UBAC2: variants seen among roughly 807,000 people sequenced by gnomAD.
UBAC2 encodes the protein UBA domain containing 2.
UBAC2 carries 26 observed loss-of-function variants against 44.0 expected under a neutral mutation model. The observed-to-expected ratio is 0.59, with a 90% CI of 0.43 to 0.82. The LOEUF (loss-of-function observed/expected upper bound fraction) is 0.82. Among genes scored for constraint, UBAC2 ranks in the 40% least tolerant of loss-of-function variants. The pLI is 0.00. For missense variants in UBAC2, 329 were observed against 419.4 expected (o/e 0.78, Z 1.88); for synonymous variants, 155 against 154.3 (o/e 1.00, Z -0.04).
intron 8 of UBAC2, among the ~76,000 whole-genome samples, chr13:99,382,566 G>T (rs2045565152): frequency 6.6e-6 from 1 of 152,210 alleles, no homozygotes. Flanking sequence ...TCAGTTCTGG[G>T]CGCGGTGTTC....
chr13:99,379,446 T>C (rs2138925772), intron 8 of UBAC2, among the ~76,000 whole-genome samples: 1 of 152,366 alleles, frequency 6.6e-6, no homozygotes, highest in East Asian at 1.9e-4. Flanking sequence ...AAAATTTGGT[T>C]TCATGTTTTT....
intron 1 of UBAC2, chr13:99,201,384 T>G: frequency 2.5e-6 from 4 of 1,598,496 alleles, no homozygotes; most frequent in Admixed American, 1.7e-5. Context: ...GCCTCCGCTT[T>G]AGAAGCTGAC....
At chr13:99,263,894 C>T (rs917501006) in intron 4 of UBAC2, among the ~76,000 whole-genome samples, 1 of 152,072 alleles carries the variant, frequency 6.6e-6, no homozygotes, top group Non-Finnish European at 1.5e-5. Flanking sequence ...TGAAGGAATT[C>T]ATATCATATG....
intron 6 of UBAC2, among the ~76,000 whole-genome samples, chr13:99,329,273 A>G (rs1401848553): frequency 6.6e-6 from 1 of 152,192 alleles, no homozygotes; most frequent in Non-Finnish European, 1.5e-5. Context: ...TGCTTATTTT[A>G]GGACACTGAC....
chr13:99,338,071 T>TTTTTTTTTTTTTTTTTTA lies in UBAC2; in HGVS notation c.562-2245_562-2244insTTTTTTTTTTTTTATTTT, dbSNP rs1555330450. 1.2e-3 allele frequency among the ~76,000 whole-genome samples: 123 copies of TTTTTTTTTTTTTTTTTTA among 105,126 alleles called. 1 individual carries two copies. Among genetic ancestry groups the TTTTTTTTTTTTTTTTTTA allele is most frequent in the East Asian group, 2.0e-3 (7 of 3,568 alleles). The allele number at this position is 105,126 out of a possible 152,430, so 69.0% of individuals were successfully genotyped here. ...TCTTTTTTTTTTTTTTTTTTTTTTT[T>TTTTTTTTTTTTTTTTTTA]TTTTGAGACAGAGTCTCACTGTGTC... is the stretch of plus-strand genomic sequence containing the variant. On this transcript the variant is annotated intron_variant, in intron 6 of 8. Coordinates refer to ENST00000403766, the MANE Select transcript of UBAC2 (RefSeq NM_001144072.2).
chr13:99,236,492 C>G (rs1266984103), intron 1 of UBAC2, among the ~76,000 whole-genome samples: 1 of 152,140 alleles, frequency 6.6e-6, no homozygotes, highest in Non-Finnish European at 1.5e-5. Flanking sequence ...CAGAGAAATG[C>G]AAATCAAAAC....
chr13:99,373,266 T>C (rs930002629), intron 8 of UBAC2, among the ~76,000 whole-genome samples: 3 of 152,056 alleles, frequency 2.0e-5, no homozygotes, highest in Non-Finnish European at 4.4e-5. Flanking sequence ...TTGCTTCTGA[T>C]TTTTTTAAAA....
intron 7 of UBAC2, among the ~76,000 whole-genome samples, chr13:99,364,938 T>C (rs1195782217): frequency 6.6e-6 from 1 of 152,210 alleles, no homozygotes; most frequent in Non-Finnish European, 1.5e-5. Context: ...TTGATGAACA[T>C]GTGTTTGAAT....
At chr13:99,262,861 A>G (rs1047703898) in intron 4 of UBAC2, among the ~76,000 whole-genome samples, 7 of 152,164 alleles carry the variant, frequency 4.6e-5, no homozygotes, top group African/African-American at 1.7e-4. Flanking sequence ...AAAAGTAAAC[A>G]TGTATCTATA....
chr13:99,213,137 T>A (rs2042953260), intron 1 of UBAC2, among the ~76,000 whole-genome samples: 1 of 152,160 alleles, frequency 6.6e-6, no homozygotes, highest in Non-Finnish European at 1.5e-5. Context: ...TATACAGAAA[T>A]GGCATTCAAA....
chr13:99,236,092 A>G (rs1357472721), intron 1 of UBAC2, among the ~76,000 whole-genome samples: 1 of 152,252 alleles, frequency 6.6e-6, no homozygotes, highest in African/African-American at 2.4e-5. Flanking sequence ...ACCTGAAACT[A>G]TGAAACTACT....
At chr13:99,330,479 A>AAAAAAAAAAAAAAAAAAAAAAAAAT (rs1594134300) in intron 6 of UBAC2, among the ~76,000 whole-genome samples, 1 of 150,322 alleles carries the variant, frequency 6.7e-6, no homozygotes, top group Non-Finnish European at 1.5e-5. Context: ...AAAAAAAAGA[A>AAAAAAAAAAAAAAAAAAAAAAAAAT]ATACAGTTGA....
At chr13:99,215,239 C>A (rs1228296834) in intron 1 of UBAC2, 1 of 640,778 alleles carries the variant, frequency 1.6e-6, no homozygotes, top group Admixed American at 2.7e-5. Context: ...AATTAAACTT[C>A]CAACTTGCCC....
chr13:99,351,802 G>A lies in UBAC2; in HGVS notation c.807+11237G>A, dbSNP rs545579839. The A allele has an allele frequency of 3.9e-5, 18 of 456,518 alleles. No homozygotes were observed. In the East Asian group the frequency reaches 6.3e-4, roughly 16 times the overall value. 28.3% of individuals were successfully genotyped at this position (456,518 alleles called of 1,614,324 possible). Reference sequence around the variant, plus strand: ...TGGCAGCAAAGCCCAGGAGTCCTTGGTGCTCTTCTTTTAACTGCCTCCTCA... The same window carrying A: ...TGGCAGCAAAGCCCAGGAGTCCTTGATGCTCTTCTTTTAACTGCCTCCTCA... On this transcript the variant is annotated intron_variant, in intron 7 of 8. Coordinates refer to ENST00000403766, the MANE Select transcript of UBAC2 (RefSeq NM_001144072.2).
intron 1 of UBAC2, chr13:99,231,431 G>C (rs1001973041): frequency 7.2e-5 from 2 of 27,926 alleles, no homozygotes; most frequent in African/African-American, 3.2e-4. Flanking sequence ...TTTTTTTTTT[G>C]AGATGGAGTT....
chr13:99,203,901 G>T (rs1462834417), intron 1 of UBAC2, among the ~76,000 whole-genome samples: 1 of 151,524 alleles, frequency 6.6e-6, no homozygotes, highest in Non-Finnish European at 1.5e-5. Context: ...CAATGCAGTT[G>T]AAAACACCCT....
rs571335438 is a variant in UBAC2, at chr13:99,346,539, T to C, written c.807+5974T>C. Among the ~76,000 whole-genome samples the C allele has an allele frequency of 2.6e-4, 39 of 152,342 alleles. No individual in the cohort carries two copies. The South Asian group carries it at 6.2e-3, about 24-fold the overall frequency. ...ACTCACAGTTAACTGCTGCTCATAT[T>C]GTTTCACGCAGTCTCACCTTTACAT... On this transcript the variant is annotated intron_variant, in intron 7 of 8. Transcript: ENST00000403766.
At chr13:99,321,139 G>T (rs2044562387) in intron 6 of UBAC2, among the ~76,000 whole-genome samples, 1 of 152,150 alleles carries the variant, frequency 6.6e-6, no homozygotes, top group Non-Finnish European at 1.5e-5. Flanking sequence ...AATTAATGTG[G>T]TTTTTAAGAA....
chr13:99,319,753 C>T (rs1475580382), intron 6 of UBAC2, among the ~76,000 whole-genome samples: 1 of 152,168 alleles, frequency 6.6e-6, no homozygotes, highest in African/African-American at 2.4e-5. Context: ...TAGGGCCATC[C>T]TGGGGTTAGA....
Sources: allele counts gnomAD v4.1 joint callset (sites outside exome capture counted in the v4.1 genomes callset), GRCh38; gene constraint gnomAD v4.1.1; transcripts MANE v1.5; gene names NCBI Gene and HGNC (gene_info 2026-07-23, HGNC 2026-07-21).